The following SPO11 variants were observed in gnomAD, a reference collection of about 807,000 sequenced individuals.
SPO11 encodes the protein meiotic recombination protein SPO11.
A neutral mutation model predicts 51.6 loss-of-function variants in SPO11; 49 were observed. That is an observed-to-expected ratio of 0.95 (90% CI 0.75 to 1.20). The LOEUF is 1.20. Ranked by LOEUF, SPO11 falls within the 50% of genes most tolerant of loss-of-function variation. The probability of loss-of-function intolerance (pLI) is 0.00; values close to 1 mark genes in which losing one functional copy is unlikely to be tolerated. For missense variants in SPO11, 431 were observed against 473.4 expected (o/e 0.91, Z 0.83); for synonymous variants, 176 against 158.2 (o/e 1.11, Z -0.84).
At chr20:57,331,608 A>C (rs2066451015) in intron 1 of SPO11, among the ~76,000 whole-genome samples, 3 of 152,362 alleles carry the variant, frequency 2.0e-5, no homozygotes, top group South Asian at 4.1e-4. Context: ...TTATTTGTAA[A>C]TACAGTTGTT....
intron 10 of SPO11, among the ~76,000 whole-genome samples, chr20:57,339,679 C>A (rs2066556682): frequency 6.6e-6 from 1 of 152,150 alleles, no homozygotes. Context: ...GGTCAGAGGG[C>A]TTCATTTATA....
chr20:57,341,821 T>A lies in SPO11; in HGVS notation c.960-908T>A, dbSNP rs138453752. Among the ~76,000 whole-genome samples the A allele has an allele frequency of 5.7e-3, 867 of 152,292 alleles. 9 individuals are homozygous for A. The highest frequency in any genetic ancestry group is 0.014 in the South Asian group (70 of 4,828). On this transcript the variant is annotated intron_variant, in intron 11 of 12. Transcript: ENST00000371263. ...AGTAAGGTGAATAGCTTCAAGAAAC[T>A]CTAGCTGCATCTCATAAATTCTATC...
In SPO11 at chr20:57,334,112, A is replaced by G. The variant is rs764675429; in HGVS notation, c.510+17A>G. On this transcript the variant is annotated intron_variant, in intron 5 of 12. Transcript: ENST00000371263. The stretch of plus-strand genomic sequence containing the variant: ...CTACATATAGTAAGTAGTACCTAAT[A>G]CAAAACATTTTATTTTAAAACAAAA... The G allele has an allele frequency of 4.1e-6, 5 of 1,225,698 alleles. No individual in the cohort carries two copies. The highest frequency in any genetic ancestry group is 5.7e-6 in the Non-Finnish European group (5 of 879,878). The allele number at this position is 1,225,698 out of a possible 1,614,324, so 75.9% of individuals were successfully genotyped here.
rs1219833753 is a variant in SPO11 at position 57,340,140 on chromosome 20, T to G, written c.921T>G (p.Ala307=). The change falls in exon 11 of 13, where the codon GCT becomes GCG. Residue 307 remains alanine, a synonymous_variant. Coordinates refer to ENST00000371263, the MANE Select transcript of SPO11 (RefSeq NM_012444.3). ...SFEAHHLTVP[A]IRWLGLLPSD... ...AAGCTCATCATCTCACAGTTCCAGC[T>G]ATTAGATGGCTTGGTCTTCTCCCTT... 3.7e-6 allele frequency: 6 copies of G among 1,612,902 alleles called. No homozygotes were observed. Among genetic ancestry groups the G allele is most frequent in the Non-Finnish European group, 5.1e-6 (6 of 1,178,908 alleles).
chr20:57,338,309 T>C lies in SPO11; in HGVS notation c.778T>C (p.Leu260=), dbSNP rs1360979971. The change falls in exon 9 of 13, where the codon TTA becomes CTA. Residue 260 remains leucine, a synonymous_variant. Coordinates refer to ENST00000371263, the MANE Select transcript of SPO11 (RefSeq NM_012444.3). The stretch of plus-strand genomic sequence containing the variant: ...AGTTCCTGATCTAAACACAAGACTT[T>C]TAGTCAAGAAACTGTGGGATACATT... ...KGVPDLNTRL[L]VKKLWDTFHV... 1 of 1,613,782 alleles carries C rather than the reference T, an allele frequency of 6.2e-7. No homozygotes were observed.
At chr20:57,339,314 C>A (rs1332334211) in intron 10 of SPO11, among the ~76,000 whole-genome samples, 1 of 152,102 alleles carries the variant, frequency 6.6e-6, no homozygotes, top group African/African-American at 2.4e-5. Flanking sequence ...TCTGGGGTGA[C>A]AACAACGCTG....
chr20:57,330,517 AT>A (rs769287583), intron 1 of SPO11, among the ~76,000 whole-genome samples: 1 of 152,160 alleles, frequency 6.6e-6, no homozygotes, highest in Non-Finnish European at 1.5e-5. Flanking sequence ...AACATGTTTA[AT>A]TGTTTTGCAA....
At chr20:57,342,645 A>G (rs1419071488) in intron 11 of SPO11, 84 bp from the exon 12 acceptor site, 1 of 747,288 alleles carries the variant, frequency 1.3e-6, no homozygotes, top group East Asian at 2.6e-5. Flanking sequence ...TTCTTGAAGT[A>G]GTACCATAAA....
intron 3 of SPO11, 86 bp downstream of exon 3, chr20:57,333,362 T>C: frequency 1.1e-6 from 1 of 912,224 alleles, no homozygotes; most frequent in Non-Finnish European, 1.7e-6. Context: ...AGTTAAATAA[T>C]TTTACCTGTT....
Position 57,338,426 on chromosome 20 carries a change from T to C in SPO11, c.844+51T>C, listed in dbSNP as rs192193332. 6.4e-3 allele frequency: 8,495 copies of C among 1,328,694 alleles called. 44 individuals are homozygous for C. Among genetic ancestry groups the C allele is most frequent in the Admixed American group, 9.8e-3 (469 of 47,944 alleles). 82.3% of individuals were successfully genotyped at this position (1,328,694 alleles called of 1,614,324 possible). A position where few individuals can be genotyped will look rare whatever the true frequency, so the allele number is the denominator to read the frequency against. The stretch of plus-strand genomic sequence containing the variant: ...ACAATAGTCATAACTAAATCATATT[T>C]GTTGTTGTGTTTTCTTCCTCTTTTT... On this transcript the variant is annotated intron_variant, in intron 9 of 12. Transcript: ENST00000371263.
chr20:57,334,980 A>T, intron 6 of SPO11, 144 bp downstream of exon 6: 1 of 616,872 alleles, frequency 1.6e-6, no homozygotes. Context: ...AATATGCTTT[A>T]CAGAACTGTA....
chr20:57,339,657 A>G (rs1173881678), intron 10 of SPO11, among the ~76,000 whole-genome samples: 3 of 152,242 alleles, frequency 2.0e-5, no homozygotes, highest in Non-Finnish European at 2.9e-5. Flanking sequence ...ATCATGAACA[A>G]TAAGAAATGT....
rs141270656 is a variant in SPO11, at chr20:57,334,062, C to A, written c.477C>A (p.Cys159Ter). 6.3e-7 allele frequency: 1 copy of A among 1,586,446 alleles called. No homozygotes were observed. The highest frequency in any genetic ancestry group is 8.6e-7 in the Non-Finnish European group (1 of 1,163,750). Reference protein sequence around the residue: ...VVDNIINDISCMLKVSRRSLH... With the variant: ...VVDNIINDIS ...ACAATATTATCAATGACATTTCTTG[C>A]ATGTTAAAAGTGTCAAGGAGGAGTC... The change falls in exon 5 of 13, where the codon TGC (cysteine) becomes TGA (stop). Residue 159 changes from cysteine (C) to a stop codon, truncating the protein, a stop_gained. Transcript: ENST00000371263. LOFTEE classifies it high-confidence loss of function.
At chr20:57,342,950 C>A (rs4810063) in intron 12 of SPO11, 110 bp downstream of exon 12, 4 of 753,148 alleles carry the variant, frequency 5.3e-6, no homozygotes, top group African/African-American at 5.3e-5. Flanking sequence ...TTATATGACA[C>A]GACTAACATA....
chr20:57,340,660 G>A (rs990916921), intron 11 of SPO11, among the ~76,000 whole-genome samples: 10 of 151,958 alleles, frequency 6.6e-5, no homozygotes, highest in Non-Finnish European at 1.3e-4. Context: ...CCAGCTACCG[G>A]GAAGGCTGAG....
intron 12 of SPO11, among the ~76,000 whole-genome samples, 189 bp downstream of exon 12, chr20:57,343,029 T>C (rs111678121): frequency 2.0e-5 from 3 of 152,184 alleles, no homozygotes; most frequent in African/African-American, 7.2e-5. Context: ...GATCAGTGAA[T>C]GGAGCTGGCC....
rs2066470155 is a variant in SPO11 at position 57,333,214 on chromosome 20, T to C, written c.272T>C (p.Met91Thr). 1.9e-6 allele frequency: 3 copies of C among 1,606,328 alleles called. No individual in the cohort carries two copies. The highest frequency in any genetic ancestry group is 1.3e-5 in the African/African-American group (1 of 74,626). The change falls in exon 3 of 13, where the codon ATG (methionine) becomes ACG (threonine). Residue 91 changes from methionine to threonine, a missense_variant. Met to Thr is a moderately conservative substitution (Grantham distance 81). Around this residue, in one of 3 missense-constraint regions of SPO11, gnomAD observed 405 missense variants for 425.9 expected, o/e 0.95. Transcript: ENST00000371263. Reference sequence around the variant, plus strand: ...TTTGAAGATTCTGTGGGTCTTCAGATGGTATCCCATTGCACCACCAGAAAG... The same window carrying C: ...TTTGAAGATTCTGTGGGTCTTCAGACGGTATCCCATTGCACCACCAGAAAG... ...IKFEDSVGLQ[M>T]VSHCTTRKIK... is the part of the protein sequence containing the mutation.
At position 57,334,033 on chromosome 20, in the gene SPO11, G is replaced by C. The variant is rs141106732; in HGVS notation, c.448G>C (p.Val150Leu). The change falls in exon 5 of 13, where the codon GTC (valine) becomes CTC (leucine). Residue 150 changes from valine (V) to leucine (L), a missense_variant. Val to Leu is a conservative substitution (Grantham distance 32). This residue lies in a region of SPO11 where 405 missense variants were observed against 425.9 expected (regional missense o/e 0.95). Coordinates refer to ENST00000371263, the MANE Select transcript of SPO11 (RefSeq NM_012444.3). The stretch of plus-strand genomic sequence containing the variant: ...TCAACTCTTTGGTAACCAGACTGTC[G>C]TCGACAATATTATCAATGACATTTC... ...DSQLFGNQTV[V>L]DNIINDISCM... 27 of 1,590,864 alleles carry C rather than the reference G, an allele frequency of 1.7e-5. No homozygotes were observed. Among genetic ancestry groups the C allele is most frequent in the African/African-American group, 5.4e-5 (4 of 74,432 alleles).
rs192642273 is a variant in SPO11 at position 57,333,337 on chromosome 20, A to G, written c.334+61A>G. 3.2e-4 allele frequency: 389 copies of G among 1,210,098 alleles called. 2 individuals are homozygous for G. The African/African-American group carries it at 5.3e-3, about 16-fold the overall frequency. The allele number at this position is 1,210,098 out of a possible 1,614,324, so 75.0% of individuals were successfully genotyped here. On this transcript the variant is annotated intron_variant, in intron 3 of 12. Transcript: ENST00000371263. ...ATAAATAAATTTTGTTATCTTCTCA[A>G]TTTTATTTGTTGCTAGTTAAATAAT...
Sources: allele counts gnomAD v4.1 joint callset (sites outside exome capture counted in the v4.1 genomes callset), GRCh38; gene constraint gnomAD v4.1.1; regional missense constraint gnomAD v4.1.1; transcripts MANE v1.5; gene names NCBI Gene and HGNC (gene_info 2026-07-23, HGNC 2026-07-21).